STPG2: variants seen among roughly 807,000 people sequenced by gnomAD.
STPG2 encodes the protein sperm tail PG-rich repeat containing 2.
In STPG2, 56 loss-of-function variants were observed where a neutral mutation model predicts 54.2. That is an observed-to-expected ratio of 1.03 (90% CI 0.83 to 1.29). STPG2 has a LOEUF of 1.29. STPG2 is among the 50% of genes most tolerant of loss of function. The probability of loss-of-function intolerance (pLI) is 0.00; values close to 1 mark genes in which losing one functional copy is unlikely to be tolerated. For missense variants in STPG2, 596 were observed against 544.9 expected, an observed-to-expected ratio of 1.09 and a Z score of -0.93; for synonymous variants, 200 against 181.8, an observed-to-expected ratio of 1.10 and a Z score of -0.81.
chr4:98,016,123 G>C (rs1735938351), intron 5 of STPG2, among the ~76,000 whole-genome samples: 1 of 152,108 alleles, frequency 6.6e-6, no homozygotes, highest in Non-Finnish European at 1.5e-5. Context: ...GGGTTGATGG[G>C]TGCAGCAAAC....
intron 5 of STPG2, among the ~76,000 whole-genome samples, chr4:98,000,980 T>C (rs1206918719): frequency 6.6e-6 from 1 of 152,160 alleles, no homozygotes; most frequent in Non-Finnish European, 1.5e-5. Context: ...TGTATATTAG[T>C]ATTGCTTTGG....
chr4:97,800,303 G>C (rs1465049064), intron 9 of STPG2, among the ~76,000 whole-genome samples: 1 of 152,062 alleles, frequency 6.6e-6, no homozygotes, highest in Admixed American at 6.5e-5. Flanking sequence ...TTTTTCCCCA[G>C]CTTTGTGGTT....
chr4:97,915,926 T>C (rs1731857028), intron 8 of STPG2, among the ~76,000 whole-genome samples: 1 of 151,972 alleles, frequency 6.6e-6, no homozygotes, highest in African/African-American at 2.4e-5. Flanking sequence ...AATTTAAAGG[T>C]AGGAAAAGCA....
At chr4:97,501,248 C>T (rs1730718933) in intron 4 of STPG2, among the ~76,000 whole-genome samples, 1 of 151,952 alleles carries the variant, frequency 6.6e-6, no homozygotes, top group South Asian at 2.1e-4. Flanking sequence ...GAAAATGTGT[C>T]TAGGATAATT....
At chr4:97,768,426 T>C (rs549818528) in intron 9 of STPG2, among the ~76,000 whole-genome samples, 13 of 152,152 alleles carry the variant, frequency 8.5e-5, no homozygotes, top group Non-Finnish European at 1.9e-4. Context: ...AATATTTTAT[T>C]GGGAGACAGT....
chr4:98,033,903 C>T (rs1220833299), intron 5 of STPG2, among the ~76,000 whole-genome samples: 1 of 152,080 alleles, frequency 6.6e-6, no homozygotes, highest in Non-Finnish European at 1.5e-5. Context: ...ATTCAACACC[C>T]CTTAATGCTA....
At chr4:97,474,631 T>C (rs1445035408) in intron 4 of STPG2, among the ~76,000 whole-genome samples, 2 of 152,196 alleles carry the variant, frequency 1.3e-5, no homozygotes, top group Non-Finnish European at 2.9e-5. Context: ...GAATCCCTTA[T>C]GACTTTTAGA....
At chr4:97,741,649 C>A (rs1725239212) in intron 9 of STPG2, among the ~76,000 whole-genome samples, 1 of 152,210 alleles carries the variant, frequency 6.6e-6, no homozygotes. Context: ...AAATGCAAAT[C>A]AAAACCGCAA....
At chr4:98,020,261 A>C (rs1379441863) in intron 5 of STPG2, among the ~76,000 whole-genome samples, 1 of 131,506 alleles carries the variant, frequency 7.6e-6, no homozygotes, top group Admixed American at 7.4e-5. Context: ...CCTTTTCTGC[A>C]TCTATTGAGA....
intron 9 of STPG2, among the ~76,000 whole-genome samples, chr4:97,794,075 A>T (rs898156295): frequency 1.3e-5 from 2 of 152,098 alleles, no homozygotes; most frequent in Non-Finnish European, 2.9e-5. Context: ...CTTCTCTGTT[A>T]TTGCTTTGTA....
intron 4 of STPG2, among the ~76,000 whole-genome samples, chr4:97,464,588 T>G (rs1379372410): frequency 1.3e-5 from 2 of 152,090 alleles, no homozygotes; most frequent in Admixed American, 1.3e-4. Context: ...AGCTAATTTT[T>G]GTATTTTTAG....
At chr4:97,767,992 C>T (rs1200950003) in intron 9 of STPG2, among the ~76,000 whole-genome samples, 1 of 152,008 alleles carries the variant, frequency 6.6e-6, no homozygotes, top group Non-Finnish European at 1.5e-5. Flanking sequence ...ATGGTGAAAC[C>T]CCGTCTCTAC....
At chr4:97,943,340 T>G (rs548765895) in intron 8 of STPG2, among the ~76,000 whole-genome samples, 8 of 152,196 alleles carry the variant, frequency 5.3e-5, no homozygotes, top group Non-Finnish European at 1.0e-4. Context: ...CTCTAAATTT[T>G]ACTTTGATAT....
chr4:97,690,177 C>T (rs1446705832), intron 10 of STPG2, among the ~76,000 whole-genome samples: 1 of 151,934 alleles, frequency 6.6e-6, no homozygotes, highest in Non-Finnish European at 1.5e-5. Context: ...CTGTCATCAC[C>T]TTTTTTCTCA....
intron 10 of STPG2, among the ~76,000 whole-genome samples, chr4:97,601,827 G>A (rs1733469757): frequency 1.3e-5 from 2 of 151,794 alleles, no homozygotes; most frequent in Non-Finnish European, 3.0e-5. Context: ...AAACAAACTT[G>A]TCAAGTTCCT....
intron 8 of STPG2, among the ~76,000 whole-genome samples, chr4:97,871,800 AAATAT>A (rs1729998817): frequency 6.6e-6 from 1 of 151,170 alleles, no homozygotes; most frequent in Admixed American, 6.6e-5. Flanking sequence ...TTCATAAAGG[AAATAT>A]AATATTGATT....
At chr4:98,050,927 C>A (rs1458358441) in intron 5 of STPG2, among the ~76,000 whole-genome samples, 1 of 151,808 alleles carries the variant, frequency 6.6e-6, no homozygotes, top group African/African-American at 2.4e-5. Flanking sequence ...ATGGCATGAA[C>A]CTGGGAGGCG....
intron 9 of STPG2, among the ~76,000 whole-genome samples, chr4:97,760,292 C>T (rs762173482): frequency 6.6e-6 from 1 of 152,170 alleles, no homozygotes; most frequent in Non-Finnish European, 1.5e-5. Context: ...ACCTTCCATA[C>T]CCTTCCCAGA....
chr4:98,062,728 A>T (rs1737701645), intron 5 of STPG2, among the ~76,000 whole-genome samples: 1 of 152,126 alleles, frequency 6.6e-6, no homozygotes, highest in African/African-American at 2.4e-5. Context: ...AATTAAAAGA[A>T]GATGATGGTA....
Sources: gnomAD v4.1 joint callset for allele counts (sites outside exome capture counted in the v4.1 genomes callset) on GRCh38, gnomAD v4.1.1 for gene constraint, MANE v1.5 for transcripts, NCBI Gene and HGNC (gene_info 2026-07-23, HGNC 2026-07-21) for gene names.